CD37: variants seen among roughly 807,000 people sequenced by gnomAD.
The protein encoded by CD37 is leukocyte antigen CD37.
Under a neutral mutation model 38.9 loss-of-function variants are expected in CD37, and 37 were observed. That is an observed-to-expected ratio of 0.95 (90% CI 0.73 to 1.25). The LOEUF is 1.25. Ranked by LOEUF, CD37 falls within the 50% of genes most tolerant of loss-of-function variation. The pLI, the probability that CD37 is intolerant of heterozygous loss-of-function variation, is 0.00. For missense variants in CD37, 351 were observed against 360.1 expected, an observed-to-expected ratio of 0.97 and a Z score of 0.20; for synonymous variants, 146 against 150.1, an observed-to-expected ratio of 0.97 and a Z score of 0.20.
chr19:49,337,871 G>C (rs1050562215), intron 4 of CD37, 54 bp from the exon 5 acceptor site: 4 of 1,610,142 alleles, frequency 2.5e-6, no homozygotes, highest in Admixed American at 1.7e-5. Flanking sequence ...CAGCCTGAGA[G>C]GGGGAGGGGT....
Position 49,335,800 on chromosome 19 carries a change from G to T in CD37, c.142+14G>T. The T allele has an allele frequency of 1.9e-6, 3 of 1,602,232 alleles. No individual in the cohort carries two copies. The highest frequency in any genetic ancestry group is 2.6e-6 in the Non-Finnish European group (3 of 1,169,970). Reference sequence around the variant, plus strand: ...TGTCCTTTGTGGGTGAGGGGGGCTGGGGCAGGTGGGAGGGCCTCCCCCAAC... The same window carrying T: ...TGTCCTTTGTGGGTGAGGGGGGCTGTGGCAGGTGGGAGGGCCTCCCCCAAC... On this transcript the variant is annotated intron_variant, in intron 2 of 7. Transcript: ENST00000323906. This position sits in a 1 kb window ranked among gnomAD's most constrained non-coding sequence, Gnocchi z 4.6.
rs913868811 is a variant in CD37 at position 49,339,308 on chromosome 19, A to T, written c.685-22A>T. 2 of 1,608,354 alleles carry T rather than the reference A, an allele frequency of 1.2e-6. No homozygotes were observed. Among genetic ancestry groups the T allele is most frequent in the Admixed American group, 1.7e-5 (1 of 59,722 alleles). ...TGAGAGTCCCAGAAAGAATCCCTTT[A>T]ACTTTTCCCTACACCCCCCAGGGCT... On this transcript the variant is annotated intron_variant, in intron 6 of 7. Transcript: ENST00000323906. This position sits in a 1 kb window ranked among gnomAD's most constrained non-coding sequence, Gnocchi z 4.5.
Position 49,338,066 on chromosome 19 carries a change from C to T in CD37, c.447+37C>T. Reference sequence around the variant, plus strand: ...TCCTCCAGTTCCCTCCCGGACTGACCCGCCTCAGCCCTGTGCTTGGAGGAG... The same window carrying T: ...TCCTCCAGTTCCCTCCCGGACTGACTCGCCTCAGCCCTGTGCTTGGAGGAG... On this transcript the variant is annotated intron_variant, in intron 5 of 7. Coordinates refer to ENST00000323906, the MANE Select transcript of CD37 (RefSeq NM_001774.3). The surrounding 1 kb of genome is among the most constrained non-coding windows in gnomAD (Gnocchi z 5.0). 1.2e-6 allele frequency: 2 copies of T among 1,605,506 alleles called. No individual in the cohort carries two copies. Among genetic ancestry groups the T allele is most frequent in the Non-Finnish European group, 8.5e-7 (1 of 1,176,012 alleles).
At position 49,335,474 on chromosome 19, in the gene CD37, C is replaced by T. The variant is rs1329716770; in HGVS notation, c.-67C>T. The T allele has an allele frequency of 1.5e-5, 16 of 1,100,506 alleles. No individual in the cohort carries two copies. Among genetic ancestry groups the T allele is most frequent in the Non-Finnish European group, 2.1e-5 (15 of 717,050 alleles). The allele number at this position is 1,100,506 out of a possible 1,614,324, so 68.2% of individuals were successfully genotyped here. On this transcript the variant is annotated 5_prime_UTR_variant, in exon 1 of 8. Coordinates refer to ENST00000323906, the MANE Select transcript of CD37 (RefSeq NM_001774.3). This position sits in a 1 kb window ranked among gnomAD's most constrained non-coding sequence, Gnocchi z 4.6. ...TTTCTCTCTCAGCCTCTTTCTTTCT[C>T]CCTGTCTCCCCCACTGTCAGCACCT... is the stretch of plus-strand genomic sequence containing the variant.
Position 49,340,265 on chromosome 19 carries a change from G to A in CD37, c.783G>A (p.Thr261=). The change falls in exon 8 of 8, where the codon ACG becomes ACA. Residue 261 remains threonine, a synonymous_variant. Transcript: ENST00000323906. ...GVGLLELGFM[T]LSIFLCRNLD... ...TTTCTCTATAGCTCGGGTTCATGAC[G>A]CTCTCGATATTCCTGTGCAGAAACC... 6.2e-7 allele frequency: 1 copy of A among 1,613,388 alleles called. No individual in the cohort carries two copies. Among genetic ancestry groups the A allele is most frequent in the Non-Finnish European group, 8.5e-7 (1 of 1,179,776 alleles).
At position 49,335,691 on chromosome 19, in the gene CD37, G is replaced by A. The variant is rs774871014; in HGVS notation, c.70-23G>A. Reference sequence around the variant, plus strand: ...TCATCTTCCCCTGTGGCCCACCCCCGTATCCGCATCTCCTCTCCCCAGGTC... The same window carrying A: ...TCATCTTCCCCTGTGGCCCACCCCCATATCCGCATCTCCTCTCCCCAGGTC... On this transcript the variant is annotated intron_variant, in intron 1 of 7. Transcript: ENST00000323906. This position sits in a 1 kb window ranked among gnomAD's most constrained non-coding sequence, Gnocchi z 4.6. 62 of 1,613,054 alleles carry A rather than the reference G, an allele frequency of 3.8e-5. No individual in the cohort carries two copies. The highest frequency in any genetic ancestry group is 4.9e-5 in the Non-Finnish European group (58 of 1,179,462).
At position 49,340,294 on chromosome 19, in the gene CD37, A is replaced by G; in HGVS notation, c.812A>G (p.Asp271Gly). 1 of 1,613,730 alleles carries G rather than the reference A, an allele frequency of 6.2e-7. No individual in the cohort carries two copies. Among genetic ancestry groups the G allele is most frequent in the Non-Finnish European group, 8.5e-7 (1 of 1,179,912 alleles). ...TCGATATTCCTGTGCAGAAACCTGGACCACGTCTACAACCGGCTCGCTCGA... is the reference window on the plus strand; with the variant it reads ...TCGATATTCCTGTGCAGAAACCTGGGCCACGTCTACAACCGGCTCGCTCGA... ...TLSIFLCRNL[D>G]HVYNRLARYR The change falls in exon 8 of 8, where the codon GAC becomes GGC. Residue 271 changes from aspartate (D) to glycine (G), a missense_variant. Transcript: ENST00000323906.
At chr19:49,340,198 C>T (rs376872337) in intron 7 of CD37, 53 bp from the exon 8 acceptor site, 24 of 1,542,410 alleles carry the variant, frequency 1.6e-5, no homozygotes, top group Non-Finnish European at 2.0e-5. Flanking sequence ...GGCATCACCC[C>T]CGTCTCGCCA....
chr19:49,337,679 A>G, intron 4 of CD37: 1 of 1,526,200 alleles, frequency 6.6e-7, no homozygotes, highest in Non-Finnish European at 8.8e-7. Flanking sequence ...TCCAAAGGGA[A>G]ACACACGGGA....
At chr19:49,340,142 T>TAA in intron 7 of CD37, 109 bp from the exon 8 acceptor site, 1 of 1,515,402 alleles carries the variant, frequency 6.6e-7, no homozygotes. Context: ...TCCAGCCCCT[T>TAA]CCCGCCCAAT....
intron 2 of CD37, chr19:49,336,623 A>G (rs1600670488): frequency 2.8e-6 from 1 of 359,942 alleles, no homozygotes; most frequent in South Asian, 3.8e-5. Flanking sequence ...AGCCAAGCCA[A>G]TGTCACAGAA....
chr19:49,335,472 C>G lies in CD37; in HGVS notation c.-69C>G. On this transcript the variant is annotated 5_prime_UTR_variant, in exon 1 of 8. Transcript: ENST00000323906. The surrounding 1 kb of genome is among the most constrained non-coding windows in gnomAD (Gnocchi z 4.6). ...TCTTTCTCTCTCAGCCTCTTTCTTTCTCCCTGTCTCCCCCACTGTCAGCAC... is the reference window on the plus strand; with the variant it reads ...TCTTTCTCTCTCAGCCTCTTTCTTTGTCCCTGTCTCCCCCACTGTCAGCAC... The G allele has an allele frequency of 9.3e-7, 1 of 1,079,356 alleles. No individual in the cohort carries two copies. The highest frequency in any genetic ancestry group is 1.3e-5 in the South Asian group (1 of 79,200). 66.9% of individuals were successfully genotyped at this position (1,079,356 alleles called of 1,614,324 possible).
At chr19:49,337,253 C>T in intron 4 of CD37, 32 bp downstream of exon 4, 6 of 1,599,482 alleles carry the variant, frequency 3.8e-6, no homozygotes, top group Non-Finnish European at 5.1e-6. Flanking sequence ...CCACCCACCC[C>T]CAGCAGGGAG....
chr19:49,338,985 G>A lies in CD37; in HGVS notation c.684+49G>A. On this transcript the variant is annotated intron_variant, in intron 6 of 7. Coordinates refer to ENST00000323906, the MANE Select transcript of CD37 (RefSeq NM_001774.3). The surrounding 1 kb of genome is among the most constrained non-coding windows in gnomAD (Gnocchi z 5.0). ...ACCTGTCGAATGGGGCGGGGCCTGCGGGAGGGGGAGGGCTGTCAGTGAGTA... is the reference window on the plus strand; with the variant it reads ...ACCTGTCGAATGGGGCGGGGCCTGCAGGAGGGGGAGGGCTGTCAGTGAGTA... The A allele has an allele frequency of 7.2e-7, 1 of 1,396,898 alleles. No homozygotes were observed. The highest frequency in any genetic ancestry group is 1.0e-6 in the Non-Finnish European group (1 of 990,058). The allele number at this position is 1,396,898 out of a possible 1,614,324, so 86.5% of individuals were successfully genotyped here. A position where few individuals can be genotyped will look rare whatever the true frequency, so the allele number is the denominator to read the frequency against.
rs1265325001 is a variant in CD37, at chr19:49,338,891, T to G, written c.639T>G (p.Ser213Arg). The change falls in exon 6 of 8, where the codon AGT becomes AGG. Residue 213 changes from serine (S) to arginine (R), a missense_variant. By Grantham distance (110) the Ser-to-Arg change is moderately radical (BLOSUM62 -1). Transcript: ENST00000323906. This position sits in a 1 kb window ranked among gnomAD's most constrained non-coding sequence, Gnocchi z 5.0. ...RLGHLARSRHSADICAVPAES... is the reference protein window; with the variant it reads ...RLGHLARSRHRADICAVPAES... ...GACACCTGGCGCGGTCCAGACACAG[T>G]GCAGACATCTGCGCTGTCCCTGCAG... is the stretch of plus-strand genomic sequence containing the variant. The G allele has an allele frequency of 6.2e-7, 1 of 1,614,008 alleles. No homozygotes were observed. The highest frequency in any genetic ancestry group is 1.7e-5 in the Admixed American group (1 of 60,022).
In CD37 at chr19:49,337,137, T is replaced by C. The variant is rs1252864032; in HGVS notation, c.268-10T>C. The C allele has an allele frequency of 1.2e-6, 2 of 1,614,176 alleles. No individual in the cohort carries two copies. Among genetic ancestry groups the C allele is most frequent in the South Asian group, 2.2e-5 (2 of 91,088 alleles). On this transcript the variant is annotated splice_polypyrimidine_tract_variant and intron_variant, in intron 3 of 7. Coordinates refer to ENST00000323906, the MANE Select transcript of CD37 (RefSeq NM_001774.3). ...GGTGGTCAGCCTGATCTCTCCACTC[T>C]GCTCCCCAGTATTTTGGGATGCTGC...
At position 49,339,092 on chromosome 19, in the gene CD37, G is replaced by T. The variant is rs2146221275; in HGVS notation, c.684+156G>T. Among the ~76,000 whole-genome samples, 1 of 152,216 alleles carries T rather than the reference G, an allele frequency of 6.6e-6. No homozygotes were observed. Among genetic ancestry groups the T allele is most frequent in the East Asian group, 1.9e-4 (1 of 5,166 alleles). On this transcript the variant is annotated intron_variant, in intron 6 of 7. Transcript: ENST00000323906. The surrounding 1 kb of genome is among the most constrained non-coding windows in gnomAD (Gnocchi z 4.5). ...GGGCCCTCTGAAGGGGGCGGGGTCT[G>T]CAGGAAGGGCAGGGCCTAAAGAAAA...
At chr19:49,336,694 A>G in intron 2 of CD37, 1 of 536,958 alleles carries the variant, frequency 1.9e-6, no homozygotes, top group Non-Finnish European at 3.3e-6. Flanking sequence ...GGAGAGGGTA[A>G]GAGGAAGAGA....
rs1971127211 is a variant in CD37, at chr19:49,339,674, T to C, written c.768+261T>C. On this transcript the variant is annotated intron_variant, in intron 7 of 7. Transcript: ENST00000323906. This position sits in a 1 kb window ranked among gnomAD's most constrained non-coding sequence, Gnocchi z 4.5. ...TCTCCGCAGATGACTGTCATGGTGC[T>C]GAGCGTACAGCTACAGCGCAGGGCA... 2 of 1,425,794 alleles carry C rather than the reference T, an allele frequency of 1.4e-6. No homozygotes were observed. The highest frequency in any genetic ancestry group is 1.5e-5 in the South Asian group (1 of 65,776). The allele number at this position is 1,425,794 out of a possible 1,614,324, so 88.3% of individuals were successfully genotyped here. A position where few individuals can be genotyped will look rare whatever the true frequency, so the allele number is the denominator to read the frequency against.
Sources: gnomAD v4.1 joint callset for allele counts (sites outside exome capture counted in the v4.1 genomes callset) on GRCh38, gnomAD v4.1.1 for gene constraint, Gnocchi (gnomAD v3.1) non-coding constraint, MANE v1.5 for transcripts, NCBI Gene and HGNC (gene_info 2026-07-23, HGNC 2026-07-21) for gene names.